Variants in SNRPA observed in about 807,000 individuals in gnomAD.
The protein encoded by SNRPA is U1 small nuclear ribonucleoprotein A.
Under a neutral mutation model 24.5 loss-of-function variants are expected in SNRPA, and 10 were observed. The ratio of observed to expected loss-of-function variants is 0.41; its 90% confidence interval spans 0.25 to 0.69. SNRPA has a LOEUF of 0.69. Ranked by LOEUF, SNRPA falls within the 30% of genes least tolerant of loss-of-function variation. SNRPA has a pLI of 0.33. For synonymous variants in SNRPA, 165 were observed against 148.4 expected (o/e 1.11, Z -0.81); for missense variants, 283 against 394.7 (o/e 0.72, Z 2.40).
chr19:40,762,881 T>C lies in SNRPA; in HGVS notation c.427-20T>C. On this transcript the variant is annotated intron_variant, in intron 3 of 5. Coordinates refer to ENST00000243563, the MANE Select transcript of SNRPA (RefSeq NM_004596.5). Reference sequence around the variant, plus strand: ...TCCTGGGGCTGCTGTAACCACGCACTCTCCTCCCTCTCTCCACAGGGCATG... The same window carrying C: ...TCCTGGGGCTGCTGTAACCACGCACCCTCCTCCCTCTCTCCACAGGGCATG... 1.2e-6 allele frequency: 2 copies of C among 1,611,726 alleles called. No individual in the cohort carries two copies. The highest frequency in any genetic ancestry group is 1.7e-6 in the Non-Finnish European group (2 of 1,179,216).
intron 1 of SNRPA, chr19:40,756,977 T>A: frequency 3.7e-6 from 1 of 272,524 alleles, no homozygotes; most frequent in Non-Finnish European, 7.2e-6. Flanking sequence ...AGGGATGAGG[T>A]GGGGGAAATC....
At chr19:40,760,465 G>T (rs1387734136) in intron 3 of SNRPA, among the ~76,000 whole-genome samples, 1 of 152,238 alleles carries the variant, frequency 6.6e-6, no homozygotes, top group Non-Finnish European at 1.5e-5. Context: ...GGAAGACTCA[G>T]TATTGTCAAG....
At chr19:40,759,788 G>A (rs1599728627) in intron 3 of SNRPA, 178 bp downstream of exon 3, 1 of 538,006 alleles carries the variant, frequency 1.9e-6, no homozygotes, top group Non-Finnish European at 3.2e-6. Context: ...CCTAGATGAT[G>A]CTATCTCCTT....
chr19:40,763,185 G>A, intron 4 of SNRPA, 111 bp downstream of exon 4: 3 of 763,724 alleles, frequency 3.9e-6, no homozygotes, highest in Non-Finnish European at 4.2e-6. Flanking sequence ...CAGGCCCCCT[G>A]AGGAGGTGGT....
intron 1 of SNRPA, among the ~76,000 whole-genome samples, chr19:40,756,872 GAGAGCAGCC>G (rs2082910756): frequency 6.6e-6 from 1 of 152,174 alleles, no homozygotes; most frequent in South Asian, 2.1e-4. Context: ...TCCAGGTAAA[GAGAGCAGCC>G]AGTTCAAAGG....
At chr19:40,759,965 G>C (rs1173866385) in intron 3 of SNRPA, among the ~76,000 whole-genome samples, 3 of 152,144 alleles carry the variant, frequency 2.0e-5, no homozygotes, top group African/African-American at 7.2e-5. Context: ...ATTAATAAGT[G>C]AACTTAAATT....
intron 1 of SNRPA, among the ~76,000 whole-genome samples, chr19:40,752,373 C>T (rs2082882096): frequency 6.6e-6 from 1 of 151,302 alleles, no homozygotes; most frequent in African/African-American, 2.4e-5. Context: ...GAAACTGAGA[C>T]AGGGGTGATG....
intron 1 of SNRPA, among the ~76,000 whole-genome samples, chr19:40,755,257 C>CTTTTTT (rs1004235207): frequency 2.8e-3 from 230 of 82,484 alleles, no homozygotes; most frequent in East Asian, 6.3e-3. Flanking sequence ...TTTTTCTTTT[C>CTTTTTT]TTTTTTTTTT....
intron 1 of SNRPA, among the ~76,000 whole-genome samples, chr19:40,753,279 T>C (rs567585789): frequency 4.9e-5 from 7 of 141,918 alleles, no homozygotes; most frequent in African/African-American, 1.9e-4. Context: ...ACTTGAACCC[T>C]GGGAAGCAGA....
intron 3 of SNRPA, among the ~76,000 whole-genome samples, chr19:40,762,650 A>G (rs2607411): frequency 0.085 from 12,912 of 152,098 alleles, 770 homozygotes; most frequent in East Asian, 0.2. Context: ...AGCTCACTGC[A>G]TGCAGTCTTG....
At chr19:40,758,064 T>G (rs2082915937) in intron 2 of SNRPA, among the ~76,000 whole-genome samples, 1 of 151,852 alleles carries the variant, frequency 6.6e-6, no homozygotes, top group Non-Finnish European at 1.5e-5. Flanking sequence ...CCTCCCGGGT[T>G]CAAGTGATTC....
Position 40,759,559 on chromosome 19 carries a change from G to A in SNRPA, c.375G>A (p.Val125=). 6.2e-7 allele frequency: 1 copy of A among 1,613,990 alleles called. No individual in the cohort carries two copies. The highest frequency in any genetic ancestry group is 8.5e-7 in the Non-Finnish European group (1 of 1,179,966). Residue 125 remains valine (V), a synonymous_variant, in exon 3 of 6, where the codon GTG becomes GTA. Transcript: ENST00000243563. The stretch of plus-strand genomic sequence containing the variant: ...AGACCCCGGCCACCAAGAAGGCTGT[G>A]CAAGGCGGGGGAGCCACCCCCGTGG... ...SQETPATKKA[V]QGGGATPVVG... is the part of the protein sequence containing the mutation.
At chr19:40,751,839 T>C (rs888836833) in intron 1 of SNRPA, among the ~76,000 whole-genome samples, 1 of 152,178 alleles carries the variant, frequency 6.6e-6, no homozygotes, top group African/African-American at 2.4e-5. Context: ...CCCAGTGGCC[T>C]TTGAACTCCG....
Position 40,759,443 on chromosome 19 carries a change from G to T in SNRPA, c.259G>T (p.Ala87Ser). Residue 87 changes from alanine (A) to serine (S), a missense_variant, in exon 3 of 6, where the codon GCC becomes TCC. Around this residue, in one of 6 missense-constraint regions of SNRPA, gnomAD observed 167 missense variants for 174.3 expected, o/e 0.96. Transcript: ENST00000243563. Reference sequence around the variant, plus strand: ...CTCTGTTTGGTAGCGTATCCAGTATGCCAAGACCGACTCAGATATCATTGC... The same window carrying T: ...CTCTGTTTGGTAGCGTATCCAGTATTCCAAGACCGACTCAGATATCATTGC... ...FYDKPMRIQY[A>S]KTDSDIIAKM... is the part of the protein sequence containing the mutation. 1 of 1,613,048 alleles carries T rather than the reference G, an allele frequency of 6.2e-7. No homozygotes were observed. The highest frequency in any genetic ancestry group is 8.5e-7 in the Non-Finnish European group (1 of 1,179,682).
chr19:40,761,510 A>G (rs1181655266), intron 3 of SNRPA, among the ~76,000 whole-genome samples: 1 of 114,552 alleles, frequency 8.7e-6, no homozygotes, highest in African/African-American at 3.4e-5. Flanking sequence ...TCTGTAGTCC[A>G]GGCTGGAGTG....
rs1355911399 is a variant in SNRPA at position 40,763,080 on chromosome 19, T to C, written c.600+6T>C. ...AGATGCCCCCTGCCCAGCCTGTGAGTATCTAGTCCCACCCACCAGGTCTCA... is the reference window on the plus strand; with the variant it reads ...AGATGCCCCCTGCCCAGCCTGTGAGCATCTAGTCCCACCCACCAGGTCTCA... On this transcript the variant is annotated splice_donor_region_variant and intron_variant, in intron 4 of 5. Coordinates refer to ENST00000243563, the MANE Select transcript of SNRPA (RefSeq NM_004596.5). 6.5e-7 allele frequency: 1 copy of C among 1,549,552 alleles called. No individual in the cohort carries two copies. The highest frequency in any genetic ancestry group is 2.0e-5 in the Admixed American group (1 of 50,006).
Position 40,765,242 on chromosome 19 carries a change from G to C in SNRPA, c.*75G>C. ...TTCCCCCTTGGCTCAGCCCCCTGAAGGTAAGTCCCCCCTTGGGGGCCTTCT... is the reference window on the plus strand; with the variant it reads ...TTCCCCCTTGGCTCAGCCCCCTGAACGTAAGTCCCCCCTTGGGGGCCTTCT... On this transcript the variant is annotated 3_prime_UTR_variant, in exon 6 of 6. Transcript: ENST00000243563. 9.9e-6 allele frequency: 11 copies of C among 1,111,358 alleles called. No homozygotes were observed. Among genetic ancestry groups the C allele is most frequent in the Non-Finnish European group, 1.3e-5 (11 of 824,766 alleles). 68.8% of individuals were successfully genotyped at this position (1,111,358 alleles called of 1,614,324 possible). A position where few individuals can be genotyped will look rare whatever the true frequency, so the allele number is the denominator to read the frequency against.
At chr19:40,751,516 C>T in intron 1 of SNRPA, 35 bp downstream of exon 1, 1 of 1,477,028 alleles carries the variant, frequency 6.8e-7, no homozygotes, top group African/African-American at 1.4e-5. Context: ...TCCAGACTGT[C>T]CCGCACGGGC....
rs570655182 is a variant in SNRPA, at chr19:40,751,233, C to T, written c.-176C>T. 5 of 646,578 alleles carry T rather than the reference C, an allele frequency of 7.7e-6. No individual in the cohort carries two copies. The highest frequency in any genetic ancestry group is 7.7e-5 in the East Asian group (3 of 38,892). The allele number at this position is 646,578 out of a possible 1,614,324, so 40.1% of individuals were successfully genotyped here. ...CGCACGCGGGCTGGAGAAGCGGGTC[C>T]TACGCACGCTTTGTTGTCGCGCTTT... is the stretch of plus-strand genomic sequence containing the variant. On this transcript the variant is annotated 5_prime_UTR_variant, in exon 1 of 6. Transcript: ENST00000243563.
Sources: gnomAD v4.1 joint callset for allele counts (sites outside exome capture counted in the v4.1 genomes callset) on GRCh38, gnomAD v4.1.1 for gene constraint, gnomAD v4.1.1 regional missense constraint, MANE v1.5 for transcripts, NCBI Gene and HGNC (gene_info 2026-07-23, HGNC 2026-07-21) for gene names.